Variants in MAPK14 observed in about 807,000 individuals in gnomAD.
The protein encoded by MAPK14 is mitogen-activated protein kinase 14, also known as CSAID-binding protein.
In MAPK14, 16 loss-of-function variants were observed where a neutral mutation model predicts 49.6. The ratio of observed to expected loss-of-function variants is 0.32; its 90% CI spans 0.22 to 0.49. The LOEUF is 0.49. MAPK14 is among the 20% of genes least tolerant of loss of function. The pLI is 0.99. For synonymous variants in MAPK14, 142 were observed against 158.0 expected (o/e 0.90, Z 0.76); for missense variants, 200 against 441.2 (o/e 0.45, Z 4.90).
At chr6:36,078,893 G>C (rs1447767832) in intron 8 of MAPK14, among the ~76,000 whole-genome samples, 2 of 152,188 alleles carry the variant, frequency 1.3e-5, no homozygotes, top group African/African-American at 4.8e-5. Context: ...TTGTGTTCCA[G>C]CATAGTGGTT....
the MAPK14 span, among the ~76,000 whole-genome samples, chr6:36,117,577 G>T: frequency 8.5e-5 from 13 of 152,254 alleles, no homozygotes; most frequent in East Asian, 2.5e-3. Context: ...ATCATTGCTT[G>T]CTGTTTGTAC....
At chr6:36,029,782 C>T (rs1762464552) in intron 1 of MAPK14, among the ~76,000 whole-genome samples, 1 of 152,108 alleles carries the variant, frequency 6.6e-6, no homozygotes, top group South Asian at 2.1e-4. Context: ...ATCTTTCTCC[C>T]ATTTTTACAG....
intron 9 of MAPK14, among the ~76,000 whole-genome samples, chr6:36,099,743 C>T (rs377765135): frequency 4.6e-5 from 7 of 152,226 alleles, no homozygotes; most frequent in East Asian, 3.9e-4. Context: ...GAACCTGTGC[C>T]GCAAAAGTTT....
Position 36,072,973 on chromosome 6 carries a change from C to T in MAPK14, c.406C>T (p.Arg136Ter), listed in dbSNP as rs1315486405. 2.5e-6 allele frequency: 4 copies of T among 1,597,674 alleles called. No individual in the cohort carries two copies. Among genetic ancestry groups the T allele is most frequent in the South Asian group, 1.1e-5 (1 of 90,472 alleles). Reference protein sequence around the residue: ...HVQFLIYQILRGLKYIHSADI... With the variant: ...HVQFLIYQIL Reference sequence around the variant, plus strand: ...TCAGTTCCTTATCTACCAAATTCTCCGAGGTCTAAAGGTACAGATAATACA... The same window carrying T: ...TCAGTTCCTTATCTACCAAATTCTCTGAGGTCTAAAGGTACAGATAATACA... The change falls in exon 4 of 12, where the codon CGA (arginine) becomes TGA (stop). Residue 136 changes from arginine to a stop codon, truncating the protein, a stop_gained. Coordinates refer to ENST00000229794, the MANE Select transcript of MAPK14 (RefSeq NM_139012.3). LOFTEE classifies it high-confidence loss of function.
rs563049577 is a variant in MAPK14, at chr6:36,030,218, AACAGG to A, written c.116+1947_116+1951del. ...CTATTGGTGACTAGCTCTGCACTGG[AACAGG>A]AGATTCAGATTTACAGTGAAGTACC... On this transcript the variant is annotated intron_variant, in intron 1 of 11. Transcript: ENST00000229794. Among the ~76,000 whole-genome samples the A allele has an allele frequency of 3.1e-3, 474 of 152,282 alleles. 1 individual carries two copies. Among genetic ancestry groups the A allele is most frequent in the African/African-American group, 0.011 (448 of 41,538 alleles).
At chr6:36,066,009 G>A (rs1381559888) in intron 3 of MAPK14, among the ~76,000 whole-genome samples, 1 of 152,028 alleles carries the variant, frequency 6.6e-6, no homozygotes, top group African/African-American at 2.4e-5. Flanking sequence ...AAAAAACAGG[G>A]TCTTATGCTT....
chr6:36,091,844 C>CTTTTTT (rs1185804651), intron 8 of MAPK14: 24 of 124,814 alleles, frequency 1.9e-4, no homozygotes, highest in Non-Finnish European at 2.5e-4. Context: ...CTTTTCTTTT[C>CTTTTTT]TTTTTTTTTT....
intron 7 of MAPK14, 72 bp downstream of exon 7, chr6:36,076,034 G>T: frequency 6.8e-7 from 1 of 1,466,898 alleles, no homozygotes; most frequent in African/African-American, 1.4e-5. Flanking sequence ...CTCAGAAATA[G>T]AGATGGTGGG....
rs993605411 is a variant in MAPK14 at position 36,028,065 on chromosome 6, C to T, written c.-93C>T. 1.3e-6 allele frequency: 1 copy of T among 777,658 alleles called. No homozygotes were observed. Among genetic ancestry groups the T allele is most frequent in the Non-Finnish European group, 2.0e-6 (1 of 490,198 alleles). 48.2% of individuals were successfully genotyped at this position (777,658 alleles called of 1,614,324 possible). ...GGGCGACCAGCGCAAGGTCCCCGCC[C>T]GGCTGGGCGGGCAGCAAGGGCCGGG... On this transcript the variant is annotated 5_prime_UTR_variant, in exon 1 of 12. Transcript: ENST00000229794. The surrounding 1 kb of genome is among the most constrained non-coding windows in gnomAD (Gnocchi z 5.1).
the MAPK14 span, among the ~76,000 whole-genome samples, chr6:36,120,354 C>T: frequency 9.2e-5 from 14 of 152,136 alleles, no homozygotes; most frequent in Admixed American, 7.9e-4. Context: ...TCTCAGCGTT[C>T]TGCCTTGACA....
downstream of MAPK14, among the ~76,000 whole-genome samples, chr6:36,114,226 A>G (rs1460600843): frequency 6.6e-6 from 1 of 152,228 alleles, no homozygotes; most frequent in Non-Finnish European, 1.5e-5. Flanking sequence ...GTTGAAAACC[A>G]TGAATCTAAC....
rs1161245437 is a variant in MAPK14, at chr6:36,107,045, T to TA, written c.842-403dup. On this transcript the variant is annotated intron_variant, in intron 10 of 11. Transcript: ENST00000229794. The surrounding 1 kb of genome is among the most constrained non-coding windows in gnomAD (Gnocchi z 4.3). ...CTGTTCAAACAGAATCCCAGTCATTTAAAAAAATTCTTCTTTAGTAACATA... is the reference window on the plus strand; with the variant it reads ...CTGTTCAAACAGAATCCCAGTCATTTAAAAAAAATTCTTCTTTAGTAACATA... 6.6e-6 allele frequency among the ~76,000 whole-genome samples: 1 copy of TA among 152,174 alleles called. No individual in the cohort carries two copies. Among genetic ancestry groups the TA allele is most frequent in the Non-Finnish European group, 1.5e-5 (1 of 68,032 alleles).
At chr6:36,053,604 A>T (rs1057339641) in intron 2 of MAPK14, among the ~76,000 whole-genome samples, 1 of 152,202 alleles carries the variant, frequency 6.6e-6, no homozygotes, top group Non-Finnish European at 1.5e-5. Context: ...TATGAAGGGT[A>T]CTGTGAAGTT....
chr6:36,064,831 A>G (rs1581776076), intron 3 of MAPK14, among the ~76,000 whole-genome samples: 1 of 152,242 alleles, frequency 6.6e-6, no homozygotes, highest in Non-Finnish European at 1.5e-5. Context: ...AGAACAATGT[A>G]AATGATCAAA....
At chr6:36,054,578 A>C (rs970265076) in intron 2 of MAPK14, among the ~76,000 whole-genome samples, 1 of 152,242 alleles carries the variant, frequency 6.6e-6, no homozygotes, top group African/African-American at 2.4e-5. Flanking sequence ...AAACAAAATA[A>C]GGCACATGGC....
Position 36,102,609 on chromosome 6 carries a change from G to A in MAPK14, c.801G>A (p.Lys267=). 6.2e-7 allele frequency: 1 copy of A among 1,614,058 alleles called. No homozygotes were observed. The highest frequency in any genetic ancestry group is 1.3e-5 in the African/African-American group (1 of 75,044). ...TTCAGTCTTTGACTCAGATGCCGAAGATGAACTTTGCGAATGTATTTATTG... is the reference window on the plus strand; with the variant it reads ...TTCAGTCTTTGACTCAGATGCCGAAAATGAACTTTGCGAATGTATTTATTG... ...NYIQSLTQMP[K]MNFANVFIGA... The change falls in exon 10 of 12, where the codon AAG becomes AAA. Residue 267 remains lysine (K), a synonymous_variant. Transcript: ENST00000229794.
At chr6:36,041,825 G>A (rs1346419037) in intron 1 of MAPK14, among the ~76,000 whole-genome samples, 1 of 152,080 alleles carries the variant, frequency 6.6e-6, no homozygotes, top group African/African-American at 2.4e-5. Flanking sequence ...TTTGCCAGTC[G>A]TCCATCAGTG....
chr6:36,084,988 C>A (rs1263953145), intron 8 of MAPK14, among the ~76,000 whole-genome samples: 1 of 152,118 alleles, frequency 6.6e-6, no homozygotes, highest in Non-Finnish European at 1.5e-5. Context: ...CAGCAAAAAC[C>A]CTACAAGCCA....
chr6:36,104,800 G>T (rs1392106720), intron 10 of MAPK14, among the ~76,000 whole-genome samples: 1 of 152,166 alleles, frequency 6.6e-6, no homozygotes, highest in East Asian at 1.9e-4. Flanking sequence ...AGAAAGATGT[G>T]TTAATTCATT....
Sources: gnomAD v4.1 joint callset for allele counts (sites outside exome capture counted in the v4.1 genomes callset) on GRCh38, gnomAD v4.1.1 for gene constraint, Gnocchi (gnomAD v3.1) non-coding constraint, MANE v1.5 for transcripts, NCBI Gene and HGNC (gene_info 2026-07-23, HGNC 2026-07-21) for gene names.